The following OSBPL9 variants were observed in gnomAD, a reference collection of about 807,000 sequenced individuals.
The protein encoded by OSBPL9 is oxysterol-binding protein-related protein 9.
In OSBPL9, 40 loss-of-function variants were observed where a neutral mutation model predicts 106.6. The observed-to-expected ratio is 0.38, with a 90% CI of 0.29 to 0.49. OSBPL9 has a LOEUF of 0.49. Among genes scored for constraint, OSBPL9 ranks in the 20% least tolerant of loss-of-function variants. The pLI, the probability that OSBPL9 is intolerant of heterozygous loss-of-function variation, is 0.97. For missense variants in OSBPL9, 609 were observed against 887.2 expected (o/e 0.69, Z 3.98); for synonymous variants, 269 against 295.4 (o/e 0.91, Z 0.92).
chr1:51,583,096 G>GA (rs957729715), intron 1 of OSBPL9, among the ~76,000 whole-genome samples: 1 of 151,434 alleles, frequency 6.6e-6, no homozygotes, highest in Non-Finnish European at 1.5e-5. Context: ...TTCAAAAAAA[G>GA]AAAAAAATAT....
the OSBPL9 span, among the ~76,000 whole-genome samples, chr1:51,570,016 G>A: frequency 2.6e-5 from 4 of 152,308 alleles, no homozygotes; most frequent in East Asian, 5.8e-4. Context: ...TTTAAGCCAC[G>A]TTTGTCTGAT....
At chr1:51,705,154 C>T (rs570078299) in intron 3 of OSBPL9, among the ~76,000 whole-genome samples, 1 of 151,550 alleles carries the variant, frequency 6.6e-6, no homozygotes, top group Non-Finnish European at 1.5e-5. Context: ...CTGAAAATCA[C>T]TCCAAATCAC....
At chr1:51,641,118 G>A (rs1319519292) in intron 1 of OSBPL9, among the ~76,000 whole-genome samples, 1 of 152,066 alleles carries the variant, frequency 6.6e-6, no homozygotes, top group African/African-American at 2.4e-5. Flanking sequence ...CTGACATTTA[G>A]CTAAATAGTT....
At chr1:51,707,426 A>G (rs954200197) in intron 3 of OSBPL9, 1 of 174,922 alleles carries the variant, frequency 5.7e-6, no homozygotes, top group Admixed American at 6.2e-5. Context: ...TCTGACATGT[A>G]GGTGGTGGGG....
At chr1:51,785,915 T>G in intron 21 of OSBPL9, 29 bp downstream of exon 21, 6 of 1,560,930 alleles carry the variant, frequency 3.8e-6, no homozygotes, top group Non-Finnish European at 5.3e-6. Flanking sequence ...CCACTTGTTT[T>G]AGGCTACATT....
At chr1:51,782,399 A>G (rs990957704) in intron 16 of OSBPL9, among the ~76,000 whole-genome samples, 160 bp from the exon 17 acceptor site, 1 of 152,198 alleles carries the variant, frequency 6.6e-6, no homozygotes, top group Non-Finnish European at 1.5e-5. Flanking sequence ...AGGGAGACTG[A>G]CACAAAGCAA....
intron 2 of OSBPL9, among the ~76,000 whole-genome samples, chr1:51,656,344 C>T (rs1303535171): frequency 6.6e-6 from 1 of 152,144 alleles, no homozygotes; most frequent in Non-Finnish European, 1.5e-5. Context: ...TCCAAATGAG[C>T]TTAATGAGCT....
At chr1:51,654,700 A>G (rs1281560742) in intron 2 of OSBPL9, among the ~76,000 whole-genome samples, 1 of 151,968 alleles carries the variant, frequency 6.6e-6, no homozygotes, top group East Asian at 1.9e-4. Flanking sequence ...GTGGTATATA[A>G]ATACAGTCTA....
chr1:51,640,006 A>T (rs577249516), intron 1 of OSBPL9, among the ~76,000 whole-genome samples: 35 of 150,784 alleles, frequency 2.3e-4, no homozygotes, highest in African/African-American at 8.3e-4. Context: ...ATTTTTTTTT[A>T]ATTTTAGTAA....
At chr1:51,667,824 G>A (rs565589194) in intron 2 of OSBPL9, among the ~76,000 whole-genome samples, 8 of 152,160 alleles carry the variant, frequency 5.3e-5, no homozygotes, top group Non-Finnish European at 1.2e-4. Context: ...TCTGGTACTG[G>A]TTCTGCTGTT....
the OSBPL9 span, among the ~76,000 whole-genome samples, chr1:51,542,200 T>C: frequency 6.6e-6 from 1 of 152,222 alleles, no homozygotes; most frequent in African/African-American, 2.4e-5. Flanking sequence ...ATACAGCCTT[T>C]CTAAAATTGC....
intron 2 of OSBPL9, among the ~76,000 whole-genome samples, chr1:51,660,196 G>C (rs999519833): frequency 2.6e-5 from 4 of 151,984 alleles, no homozygotes; most frequent in African/African-American, 9.7e-5. Flanking sequence ...TGTATAAGAG[G>C]TATAAAATGA....
At position 51,587,582 on chromosome 1, in the gene OSBPL9, C is replaced by T. The variant is rs190736485; in HGVS notation, c.-423+10326C>T. ...TTCTTCCTTCAAACTTGTAACACTT[C>T]CTGTGTGCCAGGTACTTTACCAGGT... On this transcript the variant is annotated intron_variant, in intron 1 of 25. Coordinates refer to the OSBPL9 transcript ENST00000371714. Among the ~76,000 whole-genome samples, 803 of 152,272 alleles carry T rather than the reference C, an allele frequency of 5.3e-3. 11 individuals carry two copies. The highest frequency in any genetic ancestry group is 6.1e-3 in the Non-Finnish European group (412 of 68,022).
At chr1:51,520,657 T>C in the OSBPL9 span, among the ~76,000 whole-genome samples, 1 of 152,206 alleles carries the variant, frequency 6.6e-6, no homozygotes, top group Non-Finnish European at 1.5e-5. Context: ...CTACACCCAT[T>C]ACCATTATCA....
At chr1:51,698,543 A>C (rs1278143541) in intron 3 of OSBPL9, among the ~76,000 whole-genome samples, 1 of 152,122 alleles carries the variant, frequency 6.6e-6, no homozygotes, top group East Asian at 1.9e-4. Context: ...TGTACTTCTT[A>C]TTGTGGGTCG....
At chr1:51,641,528 C>T (rs1645791300) in intron 1 of OSBPL9, among the ~76,000 whole-genome samples, 1 of 152,176 alleles carries the variant, frequency 6.6e-6, no homozygotes, top group Non-Finnish European at 1.5e-5. Flanking sequence ...ATAAGTTCTA[C>T]TTTCTGATAG....
the OSBPL9 span, among the ~76,000 whole-genome samples, chr1:51,523,534 T>C: frequency 6.6e-6 from 1 of 152,180 alleles, no homozygotes; most frequent in African/African-American, 2.4e-5. Flanking sequence ...CTGGGAATTA[T>C]ACACAATTAT....
upstream of OSBPL9, among the ~76,000 whole-genome samples, chr1:51,613,676 G>A (rs1373232430): frequency 6.6e-6 from 1 of 151,828 alleles, no homozygotes; most frequent in African/African-American, 2.4e-5. Flanking sequence ...CATGTTTCAT[G>A]TCCTGGTTAG....
At chr1:51,674,620 G>A (rs1333800699) in intron 3 of OSBPL9, among the ~76,000 whole-genome samples, 2 of 152,192 alleles carry the variant, frequency 1.3e-5, no homozygotes, top group East Asian at 3.8e-4. Flanking sequence ...AATGCCTAAC[G>A]GCTAGGCAGA....
Sources: allele counts gnomAD v4.1 joint callset (sites outside exome capture counted in the v4.1 genomes callset), GRCh38; gene constraint gnomAD v4.1.1; transcripts MANE v1.5; gene names NCBI Gene and HGNC (gene_info 2026-07-23, HGNC 2026-07-21).